DUXA: variants seen among roughly 807,000 people sequenced by gnomAD.
DUXA encodes the protein double homeobox A, also known as double homeobox protein A.
DUXA carries 25 observed loss-of-function variants against 27.5 expected under a neutral mutation model. That is an observed-to-expected ratio of 0.91 (90% confidence interval 0.66 to 1.27). DUXA has a LOEUF of 1.27. Ranked by LOEUF, DUXA falls within the 50% of genes most tolerant of loss-of-function variation. The pLI is 0.00. For missense variants in DUXA, 247 were observed against 242.9 expected, an observed-to-expected ratio of 1.02 and a Z score of -0.11; for synonymous variants, 90 against 80.5, an observed-to-expected ratio of 1.12 and a Z score of -0.63.
rs1228440980 is a variant in DUXA, at chr19:57,158,438, C to T, written c.328G>A (p.Ala110Thr). Reference protein sequence around the residue: ...EARRCRTTYSASQLHTLIKAF... With the variant: ...EARRCRTTYSTSQLHTLIKAF... The stretch of plus-strand genomic sequence containing the variant: ...TTGATGAGAGTGTGTAACTGAGAGG[C>T]GCTGTAGGTGGTACGACACCGTCTG... Residue 110 changes from alanine (A) to threonine (T), a missense_variant, in exon 4 of 6, where the codon GCC (alanine) becomes ACC (threonine). Physicochemically the swap from Ala to Thr is moderately conservative, Grantham distance 58. Transcript: ENST00000554048. The T allele has an allele frequency of 9.3e-6, 15 of 1,613,630 alleles. No homozygotes were observed. The highest frequency in any genetic ancestry group is 3.3e-5 in the Admixed American group (2 of 59,990).
At chr19:57,161,124 G>C (rs1287026999) in intron 1 of DUXA, among the ~76,000 whole-genome samples, 1 of 151,810 alleles carries the variant, frequency 6.6e-6, no homozygotes, top group East Asian at 1.9e-4. Flanking sequence ...AGGAGTTCGA[G>C]ACCAGCCTGG....
Position 57,160,703 on chromosome 19 carries a change from T to C in DUXA, c.120A>G (p.Pro40=), listed in dbSNP as rs1186836870. ...LINTFNQKPY[P]GYATKQKLAL... is the part of the protein sequence containing the mutation. ...CAAGTTTTTGTTTGGTAGCATAACC[T>C]GGGTAAGGCTTTTGATTGAAGGTAT... Residue 40 remains proline (P), a synonymous_variant, in exon 2 of 6, where the codon CCA becomes CCG. Coordinates refer to ENST00000554048, the MANE Select transcript of DUXA (RefSeq NM_001012729.2). 1.2e-6 allele frequency: 2 copies of C among 1,614,082 alleles called. No individual in the cohort carries two copies. Among genetic ancestry groups the C allele is most frequent in the East Asian group, 4.5e-5 (2 of 44,888 alleles).
intron 2 of DUXA, 123 bp from the exon 3 acceptor site, chr19:57,159,401 A>C (rs2087008977): frequency 1.2e-6 from 1 of 859,626 alleles, no homozygotes; most frequent in Non-Finnish European, 1.8e-6. Context: ...TACTTCTGTC[A>C]CATTCTACCA....
At chr19:57,154,681 A>T (rs1469633133) in intron 5 of DUXA, among the ~76,000 whole-genome samples, 199 bp from the exon 6 acceptor site, 1 of 151,294 alleles carries the variant, frequency 6.6e-6, no homozygotes, top group Non-Finnish European at 1.5e-5. Flanking sequence ...CTCCTGCCTC[A>T]GCCTCCCGAG....
rs2087022169 is a variant in DUXA, at chr19:57,161,439, T to TGC, written c.26-643_26-642insGC. Among the ~76,000 whole-genome samples, 3 of 144,298 alleles carry TGC rather than the reference T, an allele frequency of 2.1e-5. No homozygotes were observed. In the South Asian group the frequency reaches 6.6e-4, roughly 32 times the overall value. 94.7% of individuals were successfully genotyped at this position (144,298 alleles called of 152,430 possible). On this transcript the variant is annotated intron_variant, in intron 1 of 5. Coordinates refer to ENST00000554048, the MANE Select transcript of DUXA (RefSeq NM_001012729.2). ...GAGATCGAGACCATCCTGGCTAACA[T>TGC]GATGAAACCCCGTCTCTACTAAAAA...
At position 57,154,623 on chromosome 19, in the gene DUXA, G is replaced by A. The variant is rs574924416; in HGVS notation, c.545-141C>T. On this transcript the variant is annotated intron_variant, in intron 5 of 5. Coordinates refer to ENST00000554048, the MANE Select transcript of DUXA (RefSeq NM_001012729.2). ...TTGTCGCCCAGGCTGGAGTGCGGTGGCGCGATCTCGGCTCACTGCAAGCTC... is the reference window on the plus strand; with the variant it reads ...TTGTCGCCCAGGCTGGAGTGCGGTGACGCGATCTCGGCTCACTGCAAGCTC... 5.7e-4 allele frequency: 340 copies of A among 592,818 alleles called. No homozygotes were observed. The African/African-American group carries it at 6.2e-3, about 11-fold the overall frequency. The allele number at this position is 592,818 out of a possible 1,614,324, so 36.7% of individuals were successfully genotyped here.
intron 1 of DUXA, among the ~76,000 whole-genome samples, chr19:57,163,493 G>C (rs568595681): frequency 1.5e-4 from 22 of 151,218 alleles, no homozygotes; most frequent in African/African-American, 5.4e-4. Context: ...CCCCAGGCTA[G>C]AGTTCAGTGG....
Position 57,159,611 on chromosome 19 carries a change from C to T in DUXA, c.181-333G>A, listed in dbSNP as rs539612569. On this transcript the variant is annotated intron_variant, in intron 2 of 5. Coordinates refer to ENST00000554048, the MANE Select transcript of DUXA (RefSeq NM_001012729.2). The stretch of plus-strand genomic sequence containing the variant: ...TATTTTCAGTAGAGATGGGGTTTCT[C>T]CATGTTGGTCAGGCTGGTCTAGAAC... 2.0e-5 allele frequency among the ~76,000 whole-genome samples: 3 copies of T among 151,886 alleles called. No homozygotes were observed. In the South Asian group the frequency reaches 6.2e-4, roughly 32 times the overall value.
At chr19:57,163,373 TG>T (rs1455455680) in intron 1 of DUXA, among the ~76,000 whole-genome samples, 8 of 152,240 alleles carry the variant, frequency 5.3e-5, no homozygotes, top group African/African-American at 1.9e-4. Flanking sequence ...ATGAGACTCC[TG>T]GCCTCCCCAT....
intron 1 of DUXA, 65 bp downstream of exon 1, chr19:57,167,354 C>A: frequency 6.2e-7 from 1 of 1,600,752 alleles, no homozygotes; most frequent in Non-Finnish European, 8.5e-7. Context: ...GACAAGACCA[C>A]TGGGTTTTTA....
chr19:57,156,789 G>T (rs548987171), intron 4 of DUXA, among the ~76,000 whole-genome samples: 48 of 152,198 alleles, frequency 3.2e-4, no homozygotes, highest in African/African-American at 1.1e-3. Context: ...CTCAGCCTCC[G>T]GAGTAGCTGG....
Position 57,155,311 on chromosome 19 carries a change from G to A in DUXA, c.500C>T (p.Ser167Phe), listed in dbSNP as rs958200676. ...CTTGCCCTGCTCTTCTTGTTCTAAGGACGCCACAGGTTCCCTTTTTCTCTG... is the reference window on the plus strand; with the variant it reads ...CTTGCCCTGCTCTTCTTGTTCTAAGAACGCCACAGGTTCCCTTTTTCTCTG... Reference protein sequence around the residue: ...LLQRKREPVASLEQEEQGKIP... With the variant: ...LLQRKREPVAFLEQEEQGKIP... Residue 167 changes from serine to phenylalanine, a missense_variant, in exon 5 of 6, where the codon TCC becomes TTC. Transcript: ENST00000554048. 1.2e-6 allele frequency: 2 copies of A among 1,614,224 alleles called. No homozygotes were observed. The highest frequency in any genetic ancestry group is 3.3e-5 in the Admixed American group (2 of 60,030).
At chr19:57,158,501 G>C in intron 3 of DUXA, 28 bp from the exon 4 acceptor site, 1 of 1,606,508 alleles carries the variant, frequency 6.2e-7, no homozygotes. Flanking sequence ...AGATGGAGGG[G>C]GGCGGTCAAG....
At chr19:57,166,522 C>A (rs1018693878) in intron 1 of DUXA, among the ~76,000 whole-genome samples, 8 of 152,164 alleles carry the variant, frequency 5.3e-5, no homozygotes, top group Admixed American at 1.3e-4. Context: ...GTTAGCCAGG[C>A]TGGTCTTGAA....
At chr19:57,156,436 C>T (rs1470764187) in intron 4 of DUXA, among the ~76,000 whole-genome samples, 2 of 152,194 alleles carry the variant, frequency 1.3e-5, no homozygotes, top group Non-Finnish European at 2.9e-5. Flanking sequence ...AAATCTCACT[C>T]TATCGCCCAG....
chr19:57,155,578 G>C (rs1158029777), intron 4 of DUXA, among the ~76,000 whole-genome samples: 1 of 151,710 alleles, frequency 6.6e-6, no homozygotes, highest in African/African-American at 2.4e-5. Context: ...GGCTGATCTT[G>C]AACTTCTGAG....
At chr19:57,162,489 A>G (rs532000547) in intron 1 of DUXA, among the ~76,000 whole-genome samples, 21 of 152,358 alleles carry the variant, frequency 1.4e-4, no homozygotes, top group Non-Finnish European at 2.6e-4. Context: ...CTAGAAGTTC[A>G]GTTAAAAGAC....
chr19:57,154,343 TC>T lies in DUXA; in HGVS notation c.*68del. On this transcript the variant is annotated 3_prime_UTR_variant, in exon 6 of 6. Transcript: ENST00000554048. ...TTGCAGTTTCAGCAGAAGGATAGAC[TC>T]CCAGGAAGACCGTGAGACAGATTTG... 2 of 1,444,600 alleles carry T rather than the reference TC, an allele frequency of 1.4e-6. No homozygotes were observed. Among genetic ancestry groups the T allele is most frequent in the East Asian group, 2.3e-5 (1 of 43,452 alleles). The allele number at this position is 1,444,600 out of a possible 1,614,324, so 89.5% of individuals were successfully genotyped here. A position where few individuals can be genotyped will look rare whatever the true frequency, so the allele number is the denominator to read the frequency against.
chr19:57,158,277 C>G, intron 4 of DUXA, 51 bp downstream of exon 4: 1 of 1,599,776 alleles, frequency 6.3e-7, no homozygotes, highest in South Asian at 1.1e-5. Flanking sequence ...GCTTCCCTTC[C>G]TGTATACCTA....
Sources: allele counts gnomAD v4.1 joint callset (sites outside exome capture counted in the v4.1 genomes callset), GRCh38; gene constraint gnomAD v4.1.1; transcripts MANE v1.5; gene names NCBI Gene and HGNC (gene_info 2026-07-23, HGNC 2026-07-21).